The following PLPPR2 variants were observed in gnomAD, a reference collection of about 807,000 sequenced individuals.
PLPPR2 encodes phospholipid phosphatase related 2.
In PLPPR2, 11 loss-of-function variants were observed where a neutral mutation model predicts 40.3. The ratio of observed to expected loss-of-function variants is 0.27; its 90% confidence interval spans 0.17 to 0.45. PLPPR2 has a LOEUF of 0.45. Among genes scored for constraint, PLPPR2 ranks in the 20% least tolerant of loss-of-function variants. The pLI is 1.00. For synonymous variants in PLPPR2, 260 were observed against 290.8 expected (o/e 0.89, Z 1.08); for missense variants, 497 against 640.7 (o/e 0.78, Z 2.42).
In PLPPR2 at chr19:11,364,815, G is replaced by C. The variant is rs955390152; in HGVS notation, c.*125G>C. On this transcript the variant is annotated 3_prime_UTR_variant, in exon 10 of 10. Transcript: ENST00000688289. The surrounding 1 kb of genome is among the most constrained non-coding windows in gnomAD (Gnocchi z 5.8). ...AGCCAGCCAGACCCAGACATTAGAA[G>C]ATGGCTAGAAGGACATTTAGGAGAC... 3 of 1,110,338 alleles carry C rather than the reference G, an allele frequency of 2.7e-6. No homozygotes were observed. 68.8% of individuals were successfully genotyped at this position (1,110,338 alleles called of 1,614,324 possible).
Position 11,362,590 on chromosome 19 carries a change from G to C in PLPPR2, c.741G>C (p.Pro247=), listed in dbSNP as rs992096282. The change falls in exon 7 of 10, where the codon CCG becomes CCC. Residue 247 remains proline (P), a synonymous_variant. Coordinates refer to ENST00000688289, the MANE Select transcript of PLPPR2 (RefSeq NM_001393892.1). This position sits in a 1 kb window ranked among gnomAD's most constrained non-coding sequence, Gnocchi z 5.3. ...CGCTCTGCCTGGCCTTGCTGTGCCC[G>C]GCCTTCCTGGTGGGCGTGGTCCGCG... ...KPSLCLALLC[P]AFLVGVVRVA... 6.2e-7 allele frequency: 1 copy of C among 1,613,382 alleles called. No individual in the cohort carries two copies. The highest frequency in any genetic ancestry group is 8.5e-7 in the Non-Finnish European group (1 of 1,180,004).
intron 5 of PLPPR2, among the ~76,000 whole-genome samples, chr19:11,360,919 A>G (rs1968025266): frequency 6.6e-6 from 1 of 151,956 alleles, no homozygotes; most frequent in South Asian, 2.1e-4. Flanking sequence ...GTGGATCCTG[A>G]TGTAATGGTG....
intron 5 of PLPPR2, among the ~76,000 whole-genome samples, chr19:11,360,732 G>A (rs1968019980): frequency 6.6e-6 from 1 of 152,096 alleles, no homozygotes; most frequent in Non-Finnish European, 1.5e-5. Flanking sequence ...GTGGGAAAGG[G>A]GGAGGGGCAG....
At position 11,365,451 on chromosome 19, in the gene PLPPR2, A is replaced by G. The variant is rs778784871; in HGVS notation, c.*761A>G. On this transcript the variant is annotated 3_prime_UTR_variant, in exon 10 of 10. Coordinates refer to ENST00000688289, the MANE Select transcript of PLPPR2 (RefSeq NM_001393892.1). ...GTCATCCCAAACCCTTCTGTTATTTATTAGGGCTGTGGGAAGGGTTTTTCT... is the reference window on the plus strand; with the variant it reads ...GTCATCCCAAACCCTTCTGTTATTTGTTAGGGCTGTGGGAAGGGTTTTTCT... The G allele has an allele frequency of 4.6e-5, 7 of 152,518 alleles. No individual in the cohort carries two copies. Among genetic ancestry groups the G allele is most frequent in the Non-Finnish European group, 7.3e-5 (5 of 68,068 alleles). The allele number at this position is 152,518 out of a possible 1,614,324, so 9.4% of individuals were successfully genotyped here.
chr19:11,364,118 C>T lies in PLPPR2; in HGVS notation c.964-43C>T. On this transcript the variant is annotated intron_variant, in intron 8 of 9. Transcript: ENST00000688289. The surrounding 1 kb of genome is among the most constrained non-coding windows in gnomAD (Gnocchi z 5.8). ...CTCCTTGTGGCTGTGGCCGGTAGGG[C>T]CCAGGGGGCCACTAGCCCCTTCCGT... The T allele has an allele frequency of 6.3e-7, 1 of 1,584,342 alleles. No individual in the cohort carries two copies.
At chr19:11,357,338 G>C (rs917457624) in intron 2 of PLPPR2, among the ~76,000 whole-genome samples, 1 of 152,056 alleles carries the variant, frequency 6.6e-6, no homozygotes, top group Admixed American at 6.6e-5. Context: ...ATGAGGCTGG[G>C]GAGTCTCTTC....
At chr19:11,360,459 A>G (rs767405527) in intron 5 of PLPPR2, among the ~76,000 whole-genome samples, 1 of 151,784 alleles carries the variant, frequency 6.6e-6, no homozygotes, top group Admixed American at 6.6e-5. Context: ...TCCAGGGGGG[A>G]AGGAAGAGGA....
At position 11,365,044 on chromosome 19, in the gene PLPPR2, T is replaced by A; in HGVS notation, c.*354T>A. 3 of 317,260 alleles carry A rather than the reference T, an allele frequency of 9.5e-6. No homozygotes were observed. The highest frequency in any genetic ancestry group is 1.2e-5 in the Non-Finnish European group (2 of 171,452). 19.7% of individuals were successfully genotyped at this position (317,260 alleles called of 1,614,324 possible). A position where few individuals can be genotyped will look rare whatever the true frequency, so the allele number is the denominator to read the frequency against. The stretch of plus-strand genomic sequence containing the variant: ...TTCCCCTCACTTCTTAGAATCCTCC[T>A]GCAAGAGGGCAACTCCAGCCAGTGT... On this transcript the variant is annotated 3_prime_UTR_variant, in exon 10 of 10. Coordinates refer to ENST00000688289, the MANE Select transcript of PLPPR2 (RefSeq NM_001393892.1).
In PLPPR2 at chr19:11,364,795, G is replaced by A. The variant is rs1434353207; in HGVS notation, c.*105G>A. ...CCAAAGTCCCCTGCCCCCCAAGCCA[G>A]CCAGACCCAGACATTAGAAGATGGC... On this transcript the variant is annotated 3_prime_UTR_variant, in exon 10 of 10. Transcript: ENST00000688289. This position sits in a 1 kb window ranked among gnomAD's most constrained non-coding sequence, Gnocchi z 5.8. The A allele has an allele frequency of 7.7e-7, 1 of 1,290,878 alleles. No individual in the cohort carries two copies. The highest frequency in any genetic ancestry group is 1.1e-6 in the Non-Finnish European group (1 of 936,256). 80.0% of individuals were successfully genotyped at this position (1,290,878 alleles called of 1,614,324 possible).
At position 11,362,423 on chromosome 19, in the gene PLPPR2, C is replaced by A; in HGVS notation, c.664-90C>A. On this transcript the variant is annotated intron_variant, in intron 6 of 9. Coordinates refer to ENST00000688289, the MANE Select transcript of PLPPR2 (RefSeq NM_001393892.1). The surrounding 1 kb of genome is among the most constrained non-coding windows in gnomAD (Gnocchi z 5.3). ...GGCCACTCCCTCCAGCCCCAACGCT[C>A]TGGCCATGCGCTCTAGCCCAGAAAG... 6.6e-7 allele frequency: 1 copy of A among 1,514,072 alleles called. No homozygotes were observed. Among genetic ancestry groups the A allele is most frequent in the Non-Finnish European group, 9.0e-7 (1 of 1,105,734 alleles). 93.8% of individuals were successfully genotyped at this position (1,514,072 alleles called of 1,614,324 possible). A position where few individuals can be genotyped will look rare whatever the true frequency, so the allele number is the denominator to read the frequency against.
In PLPPR2 at chr19:11,359,392, C is replaced by A; in HGVS notation, c.67-140C>A. The A allele has an allele frequency of 1.4e-6, 1 of 715,574 alleles. No homozygotes were observed. Among genetic ancestry groups the A allele is most frequent in the Non-Finnish European group, 2.1e-6 (1 of 474,132 alleles). 44.3% of individuals were successfully genotyped at this position (715,574 alleles called of 1,614,324 possible). A position where few individuals can be genotyped will look rare whatever the true frequency, so the allele number is the denominator to read the frequency against. On this transcript the variant is annotated intron_variant, in intron 3 of 9. Transcript: ENST00000688289. The surrounding 1 kb of genome is among the most constrained non-coding windows in gnomAD (Gnocchi z 5.6). ...TTCTCTCAGTCTCTCTCCCCCTTGTCTCTGTCTCTCTCCATCTTCTAGTTT... is the reference window on the plus strand; with the variant it reads ...TTCTCTCAGTCTCTCTCCCCCTTGTATCTGTCTCTCTCCATCTTCTAGTTT...
Position 11,364,255 on chromosome 19 carries a change from G to C in PLPPR2, c.1015+43G>C, listed in dbSNP as rs762023280. On this transcript the variant is annotated intron_variant, in intron 9 of 9. Transcript: ENST00000688289. This position sits in a 1 kb window ranked among gnomAD's most constrained non-coding sequence, Gnocchi z 5.8. ...GGGGGGCTAAACAGGGGGACTTCCA[G>C]GTGGGCAGCCACTGCCCCAGAGGTC... The C allele has an allele frequency of 5.7e-6, 9 of 1,587,860 alleles. No individual in the cohort carries two copies. Among genetic ancestry groups the C allele is most frequent in the South Asian group, 1.1e-5 (1 of 88,226 alleles).
At chr19:11,358,708 C>T (rs575358429) in intron 3 of PLPPR2, among the ~76,000 whole-genome samples, 5 of 151,136 alleles carry the variant, frequency 3.3e-5, no homozygotes, top group Non-Finnish European at 7.4e-5. Flanking sequence ...CTTTCCCTCC[C>T]TCCCTCTCTC....
In PLPPR2 at chr19:11,359,863, C is replaced by G; in HGVS notation, c.298C>G (p.Pro100Ala). The G allele has an allele frequency of 6.2e-7, 1 of 1,613,838 alleles. No homozygotes were observed. Among genetic ancestry groups the G allele is most frequent in the Non-Finnish European group, 8.5e-7 (1 of 1,179,810 alleles). Reference protein sequence around the residue: ...ELARAFFPAPPSAVPVIGEST... With the variant: ...ELARAFFPAPASAVPVIGEST... ...GGCGCGTGCCTTTTTCCCTGCACCA[C>G]CTTCAGCCGTCCCAGTCATCGGGGA... The change falls in exon 5 of 10, where the codon CCT (proline) becomes GCT (alanine). Residue 100 changes from proline to alanine, a missense_variant. Transcript: ENST00000688289. The surrounding 1 kb of genome is among the most constrained non-coding windows in gnomAD (Gnocchi z 5.6).
chr19:11,357,482 A>G, intron 2 of PLPPR2, 178 bp from the exon 3 acceptor site: 1 of 473,252 alleles, frequency 2.1e-6, no homozygotes. Context: ...CCAACAGGGC[A>G]GGACCTGGAT....
chr19:11,364,122 GGGGGCCACTAGCCCCTTCC>G lies in PLPPR2; in HGVS notation c.964-37_964-19del, dbSNP rs762678369. 1.3e-6 allele frequency: 2 copies of G among 1,586,576 alleles called. No individual in the cohort carries two copies. The highest frequency in any genetic ancestry group is 2.3e-5 in the South Asian group (2 of 87,748). ...TTGTGGCTGTGGCCGGTAGGGCCCA[GGGGGCCACTAGCCCCTTCC>G]GTCTGTCTCTTTGTCTCAGGAACCC... On this transcript the variant is annotated intron_variant, in intron 8 of 9. Coordinates refer to ENST00000688289, the MANE Select transcript of PLPPR2 (RefSeq NM_001393892.1). This position sits in a 1 kb window ranked among gnomAD's most constrained non-coding sequence, Gnocchi z 5.8.
Position 11,358,347 on chromosome 19 carries a change from C to G in PLPPR2, c.66+608C>G, listed in dbSNP as rs1448104730. Among the ~76,000 whole-genome samples, 3 of 151,640 alleles carry G rather than the reference C, an allele frequency of 2.0e-5. No homozygotes were observed. In the East Asian group the frequency reaches 5.8e-4, roughly 30 times the overall value. On this transcript the variant is annotated intron_variant, in intron 3 of 9. Coordinates refer to ENST00000688289, the MANE Select transcript of PLPPR2 (RefSeq NM_001393892.1). ...CTGGGATTACAGGCGTGAGCCACCACGCCCGGCCTCCTAGGGCTGTTCTAA... is the reference window on the plus strand; with the variant it reads ...CTGGGATTACAGGCGTGAGCCACCAGGCCCGGCCTCCTAGGGCTGTTCTAA...
intron 2 of PLPPR2, among the ~76,000 whole-genome samples, chr19:11,357,265 A>G (rs944783977): frequency 1.1e-4 from 17 of 152,022 alleles, no homozygotes; most frequent in African/African-American, 3.6e-4. Flanking sequence ...CCCTTGGGAA[A>G]GAGGATGGTG....
Position 11,364,501 on chromosome 19 carries a change from C to T in PLPPR2, c.1170C>T (p.Pro390=). The T allele has an allele frequency of 6.6e-7, 1 of 1,522,880 alleles. No individual in the cohort carries two copies. Among genetic ancestry groups the T allele is most frequent in the Non-Finnish European group, 8.8e-7 (1 of 1,139,794 alleles). The allele number at this position is 1,522,880 out of a possible 1,614,324, so 94.3% of individuals were successfully genotyped here. The change falls in exon 10 of 10, where the codon CCC becomes CCT. Residue 390 remains proline, a synonymous_variant. Transcript: ENST00000688289. The surrounding 1 kb of genome is among the most constrained non-coding windows in gnomAD (Gnocchi z 5.8). ...PLPLPLPAPT[P]SQGPSPSSPG... is the part of the protein sequence containing the mutation. ...CCCTACCCCTGCCAGCGCCCACCCC[C>T]AGCCAGGGCCCCTCGCCTTCCTCCC...
Sources: gnomAD v4.1 joint callset for allele counts (sites outside exome capture counted in the v4.1 genomes callset) on GRCh38, gnomAD v4.1.1 for gene constraint, Gnocchi (gnomAD v3.1) non-coding constraint, MANE v1.5 for transcripts, NCBI Gene and HGNC (gene_info 2026-07-23, HGNC 2026-07-21) for gene names.